The following ERG variants were observed in gnomAD, a reference collection of about 807,000 sequenced individuals.
The protein encoded by ERG is ETS transcription factor ERG.
A neutral mutation model predicts 55.3 loss-of-function variants in ERG; 9 were observed. That is an observed-to-expected ratio of 0.16 (90% CI 0.10 to 0.28). ERG has a LOEUF of 0.28. Among genes scored for constraint, ERG ranks in the 10% least tolerant of loss-of-function variants. ERG has a pLI of 1.00. For missense variants in ERG, 434 were observed against 631.6 expected (o/e 0.69, Z 3.35); for synonymous variants, 223 against 237.3 (o/e 0.94, Z 0.55).
chr21:38,621,842 C>G (rs466939), intron 1 of ERG, among the ~76,000 whole-genome samples: 5,930 of 152,280 alleles, frequency 0.039, 284 homozygotes, highest in East Asian at 0.24. Flanking sequence ...TACTTAGATG[C>G]TCCCCTGAGT....
At chr21:38,619,945 G>C (rs894496685) in intron 1 of ERG, among the ~76,000 whole-genome samples, 20 of 152,218 alleles carry the variant, frequency 1.3e-4, no homozygotes, top group African/African-American at 4.6e-4. Flanking sequence ...TGCAGTCTTT[G>C]AATGAATCTT....
chr21:38,566,441 C>T (rs1313214256), intron 2 of ERG, among the ~76,000 whole-genome samples: 1 of 152,178 alleles, frequency 6.6e-6, no homozygotes, highest in Non-Finnish European at 1.5e-5. Context: ...TGATGCCAAC[C>T]TTGCTGATGT....
At chr21:38,595,028 T>C (rs2060122720) in intron 1 of ERG, among the ~76,000 whole-genome samples, 1 of 151,670 alleles carries the variant, frequency 6.6e-6, no homozygotes, top group African/African-American at 2.4e-5. Context: ...TCCAGAAAAA[T>C]GAAGAAGCAG....
chr21:38,638,232 G>T (rs1331868821), intron 1 of ERG, among the ~76,000 whole-genome samples: 1 of 152,230 alleles, frequency 6.6e-6, no homozygotes, highest in Non-Finnish European at 1.5e-5. Context: ...TGCTCTGTGA[G>T]TTGGGAATAA....
chr21:38,457,835 C>A (rs2059004492), intron 1 of ERG, among the ~76,000 whole-genome samples: 1 of 152,190 alleles, frequency 6.6e-6, no homozygotes, highest in African/African-American at 2.4e-5. Flanking sequence ...GCCTACTCAT[C>A]CAACCTGCAC....
intron 2 of ERG, among the ~76,000 whole-genome samples, chr21:38,518,797 G>GA (rs1255806413): frequency 6.6e-6 from 1 of 151,910 alleles, no homozygotes; most frequent in Non-Finnish European, 1.5e-5. Context: ...ATTAAAATAA[G>GA]AAAAAAATTA....
chr21:38,612,414 A>G (rs2060233109), intron 1 of ERG, among the ~76,000 whole-genome samples: 2 of 152,172 alleles, frequency 1.3e-5, no homozygotes, highest in Admixed American at 1.3e-4. Flanking sequence ...TCCAGTTTCC[A>G]TCATTATAGT....
rs1987406451 is a variant in ERG, at chr21:38,380,996, T to C, written c.*2407A>G. 1 of 1,063,734 alleles carries C rather than the reference T, an allele frequency of 9.4e-7. No homozygotes were observed. Among genetic ancestry groups the C allele is most frequent in the East Asian group, 5.0e-5 (1 of 19,900 alleles). The allele number at this position is 1,063,734 out of a possible 1,614,324, so 65.9% of individuals were successfully genotyped here. ...GCCTAACTGCCAGCTTTCATGATTGTATTTATTTATTTTCCCTAAGGAGAT... is the reference window on the plus strand; with the variant it reads ...GCCTAACTGCCAGCTTTCATGATTGCATTTATTTATTTTCCCTAAGGAGAT... On this transcript the variant is annotated 3_prime_UTR_variant, in exon 10 of 10. Transcript: ENST00000288319.
chr21:38,631,155 C>T (rs1449960286), intron 1 of ERG, among the ~76,000 whole-genome samples: 1 of 152,178 alleles, frequency 6.6e-6, no homozygotes, highest in Non-Finnish European at 1.5e-5. Flanking sequence ...GAGTTGACCA[C>T]ACACCCTCTT....
chr21:38,463,977 A>C (rs1472937112), intron 1 of ERG, among the ~76,000 whole-genome samples: 2 of 152,160 alleles, frequency 1.3e-5, no homozygotes, highest in African/African-American at 4.8e-5. Flanking sequence ...TCTAAGCAGC[A>C]AGGGTGCATC....
chr21:38,434,384 G>A (rs999822834), intron 2 of ERG, among the ~76,000 whole-genome samples: 1 of 152,004 alleles, frequency 6.6e-6, no homozygotes, highest in Non-Finnish European at 1.5e-5. Context: ...CCTGATACCT[G>A]CCCTATTCAC....
At chr21:38,513,541 G>A (rs887345187) in intron 2 of ERG, among the ~76,000 whole-genome samples, 3 of 152,174 alleles carry the variant, frequency 2.0e-5, no homozygotes, top group Non-Finnish European at 2.9e-5. Flanking sequence ...TTAAAAACAC[G>A]TAATATAAAA....
chr21:38,628,980 G>A (rs969502835), intron 1 of ERG, among the ~76,000 whole-genome samples: 7 of 152,122 alleles, frequency 4.6e-5, no homozygotes, highest in Admixed American at 2.6e-4. Context: ...CATTGGTGCC[G>A]TTATCAGTAT....
intron 2 of ERG, 99 bp from the exon 3 acceptor site, chr21:38,423,660 C>A (rs757760852): frequency 2.3e-6 from 3 of 1,277,982 alleles, no homozygotes; most frequent in Non-Finnish European, 3.3e-6. Context: ...AAGGGCAAGG[C>A]GGAAGAGACT....
chr21:38,465,673 A>C (rs2059082315), intron 1 of ERG, among the ~76,000 whole-genome samples: 1 of 152,062 alleles, frequency 6.6e-6, no homozygotes, highest in African/African-American at 2.4e-5. Context: ...TATGGAAATC[A>C]CTCTATCTTC....
chr21:38,610,529 G>A (rs1474087341), intron 1 of ERG, among the ~76,000 whole-genome samples: 4 of 56,704 alleles, frequency 7.1e-5, no homozygotes, highest in Non-Finnish European at 1.9e-4. Flanking sequence ...GCACGCGCGT[G>A]TGTGTGTGTG....
intron 1 of ERG, among the ~76,000 whole-genome samples, chr21:38,485,838 C>T (rs1459418488): frequency 6.6e-6 from 1 of 151,938 alleles, no homozygotes; most frequent in East Asian, 1.9e-4. Context: ...ACTGATTCAC[C>T]CAGATCCACA....
chr21:38,591,129 T>G (rs2060098038), intron 1 of ERG, among the ~76,000 whole-genome samples: 1 of 152,076 alleles, frequency 6.6e-6, no homozygotes, highest in South Asian at 2.1e-4. Flanking sequence ...CTAGGAAAGA[T>G]CTAAGTCATG....
At chr21:38,397,783 C>G (rs143329653) in intron 6 of ERG, among the ~76,000 whole-genome samples, 63 of 152,038 alleles carry the variant, frequency 4.1e-4, no homozygotes, top group African/African-American at 1.5e-3. Context: ...AGAAAGGGTG[C>G]GGAATGCTGT....
Sources: allele counts gnomAD v4.1 joint callset (sites outside exome capture counted in the v4.1 genomes callset), GRCh38; gene constraint gnomAD v4.1.1; transcripts MANE v1.5; gene names NCBI Gene and HGNC (gene_info 2026-07-23, HGNC 2026-07-21).